OSBPL9: variants seen among roughly 807,000 people sequenced by gnomAD.
OSBPL9 encodes oxysterol-binding protein-related protein 9.
A neutral mutation model predicts 106.6 loss-of-function variants in OSBPL9; 40 were observed. That is an observed-to-expected ratio of 0.38 (90% CI 0.29 to 0.49). The LOEUF (loss-of-function observed/expected upper bound fraction) is 0.49, where lower values mean the gene tolerates loss of function less well. Ranked by LOEUF, OSBPL9 falls within the 20% of genes least tolerant of loss-of-function variation. OSBPL9 has a pLI of 0.97. For missense variants in OSBPL9, 609 were observed against 887.2 expected, an observed-to-expected ratio of 0.69 and a Z score of 3.98; for synonymous variants, 269 against 295.4, an observed-to-expected ratio of 0.91 and a Z score of 0.92.
At chr1:51,519,137 T>G in the OSBPL9 span, 2 of 1,223,784 alleles carry the variant, frequency 1.6e-6, no homozygotes, top group African/African-American at 3.2e-5. Flanking sequence ...TCGGCGAAGC[T>G]GAGGGCGGTG....
At chr1:51,617,357 G>A in intron 1 of OSBPL9, 136 bp downstream of exon 1, 1 of 884,138 alleles carries the variant, frequency 1.1e-6, no homozygotes, top group Non-Finnish European at 1.7e-6. Flanking sequence ...TTCCCTTGTT[G>A]GGGAGGGTTT....
intron 3 of OSBPL9, among the ~76,000 whole-genome samples, chr1:51,692,629 T>C (rs1358993043): frequency 6.6e-6 from 1 of 151,240 alleles, no homozygotes; most frequent in Non-Finnish European, 1.5e-5. Flanking sequence ...CTTCCTTCCT[T>C]CCTTCCTTGC....
At chr1:51,612,404 T>C (rs1557584351), upstream of OSBPL9, among the ~76,000 whole-genome samples, 1 of 152,240 alleles carries the variant, frequency 6.6e-6, no homozygotes, top group Non-Finnish European at 1.5e-5. Flanking sequence ...ACGGTTAACA[T>C]TGACTCTACC....
rs1038654635 is a variant in OSBPL9, at chr1:51,596,003, C to T, written c.-422-2121C>T. Reference sequence around the variant, plus strand: ...CAGGCATGGTGCCTCACGCCTGTAACTCCAGCACTTTGGGAGGCCGAAGTG... The same window carrying T: ...CAGGCATGGTGCCTCACGCCTGTAATTCCAGCACTTTGGGAGGCCGAAGTG... On this transcript the variant is annotated intron_variant, in intron 1 of 25. Coordinates refer to the OSBPL9 transcript ENST00000371714. 2.0e-5 allele frequency among the ~76,000 whole-genome samples: 3 copies of T among 151,902 alleles called. No individual in the cohort carries two copies. The South Asian group carries it at 6.2e-4, about 32-fold the overall frequency.
At chr1:51,662,340 A>G (rs1004901102) in intron 2 of OSBPL9, among the ~76,000 whole-genome samples, 2 of 152,202 alleles carry the variant, frequency 1.3e-5, no homozygotes, top group Non-Finnish European at 2.9e-5. Flanking sequence ...AATAGAGACC[A>G]GGAAGAGAGA....
chr1:51,639,586 C>T (rs902754726), intron 1 of OSBPL9, among the ~76,000 whole-genome samples: 9 of 152,086 alleles, frequency 5.9e-5, no homozygotes, highest in South Asian at 2.1e-4. Context: ...CATGCACATA[C>T]GTTATTATCA....
intron 3 of OSBPL9, among the ~76,000 whole-genome samples, chr1:51,671,531 A>G (rs572793693): frequency 1.3e-5 from 2 of 152,324 alleles, no homozygotes; most frequent in African/African-American, 4.8e-5. Context: ...TATTTTAGAC[A>G]TTATTCTGGG....
chr1:51,648,557 A>T (rs946903312), intron 1 of OSBPL9, among the ~76,000 whole-genome samples: 11 of 152,182 alleles, frequency 7.2e-5, no homozygotes, highest in African/African-American at 2.4e-4. Flanking sequence ...GAAAGCAGTC[A>T]CACCAGCTTC....
At chr1:51,787,314 T>A in intron 22 of OSBPL9, 39 bp from the exon 23 acceptor site, 1 of 1,590,278 alleles carries the variant, frequency 6.3e-7, no homozygotes, top group Non-Finnish European at 8.6e-7. Context: ...CAGGCTTTCA[T>A]TCTCAACATT....
At chr1:51,683,099 A>G (rs570831931) in intron 3 of OSBPL9, among the ~76,000 whole-genome samples, 2 of 149,340 alleles carry the variant, frequency 1.3e-5, no homozygotes, top group Admixed American at 1.3e-4. Flanking sequence ...CTGGTCTTGA[A>G]CTCCTGACCT....
At chr1:51,606,779 T>G (rs1643951209) in intron 2 of OSBPL9, among the ~76,000 whole-genome samples, 1 of 152,186 alleles carries the variant, frequency 6.6e-6, no homozygotes, top group Non-Finnish European at 1.5e-5. Context: ...CCGGGCGCGG[T>G]GGCTCACGCC....
the OSBPL9 span, among the ~76,000 whole-genome samples, chr1:51,537,310 C>G: frequency 6.6e-6 from 1 of 151,996 alleles, no homozygotes; most frequent in Admixed American, 6.6e-5. Flanking sequence ...GTCTTCATCA[C>G]TTTTTTTTAA....
chr1:51,580,925 T>TG (rs1645217232), intron 1 of OSBPL9, among the ~76,000 whole-genome samples: 1 of 7,766 alleles, frequency 1.3e-4, no homozygotes, highest in Non-Finnish European at 2.0e-4. Flanking sequence ...TATATATATA[T>TG]ATATATATAT....
intron 4 of OSBPL9, among the ~76,000 whole-genome samples, chr1:51,738,742 C>T (rs1571437444): frequency 6.6e-6 from 1 of 151,886 alleles, no homozygotes; most frequent in Non-Finnish European, 1.5e-5. Flanking sequence ...TGCTTATAGC[C>T]TTTACTTGAT....
intron 6 of OSBPL9, among the ~76,000 whole-genome samples, chr1:51,747,656 C>T (rs1668303361): frequency 7.1e-6 from 1 of 140,272 alleles, no homozygotes; most frequent in African/African-American, 2.6e-5. Context: ...ACTCACCTTT[C>T]ATTTTTAGTT....
chr1:51,562,205 G>T, the OSBPL9 span, among the ~76,000 whole-genome samples: 31 of 152,230 alleles, frequency 2.0e-4, no homozygotes, highest in African/African-American at 5.1e-4. Flanking sequence ...TGGATCATGG[G>T]GGCAGAGTTC....
the OSBPL9 span, among the ~76,000 whole-genome samples, chr1:51,527,835 G>A: frequency 1.9e-4 from 29 of 152,078 alleles, no homozygotes; most frequent in African/African-American, 6.5e-4. Flanking sequence ...TAACTCAGCC[G>A]GGCACCGTGG....
At chr1:51,616,992 C>T (rs1261536796), upstream of OSBPL9, 10 of 1,493,416 alleles carry the variant, frequency 6.7e-6, no homozygotes, top group Non-Finnish European at 8.0e-6. Flanking sequence ...GAGCATCTGC[C>T]GGCACCGCCC....
At chr1:51,664,890 T>A (rs1164686799) in intron 2 of OSBPL9, among the ~76,000 whole-genome samples, 1 of 152,164 alleles carries the variant, frequency 6.6e-6, no homozygotes, top group Non-Finnish European at 1.5e-5. Flanking sequence ...TATTTTCAGA[T>A]GAGATAGTAT....
Sources: allele counts gnomAD v4.1 joint callset (sites outside exome capture counted in the v4.1 genomes callset), GRCh38; gene constraint gnomAD v4.1.1; transcripts MANE v1.5; gene names NCBI Gene and HGNC (gene_info 2026-07-23, HGNC 2026-07-21).